Variants in SIPA1L3 observed in about 807,000 individuals in gnomAD.
The protein encoded by SIPA1L3 is signal induced proliferation associated 1 like 3.
SIPA1L3 carries 59 observed loss-of-function variants against 150.1 expected under a neutral mutation model. The ratio of observed to expected loss-of-function variants is 0.39; its 90% CI spans 0.32 to 0.49. SIPA1L3 has a LOEUF of 0.49. Among genes scored for constraint, SIPA1L3 ranks in the 20% least tolerant of loss-of-function variants. The probability of loss-of-function intolerance (pLI) is 0.86; values close to 1 mark genes in which losing one functional copy is unlikely to be tolerated. For synonymous variants in SIPA1L3, 1,070 were observed against 1,077.6 expected, an observed-to-expected ratio of 0.99 and a Z score of 0.14; for missense variants, 2,211 against 2,489.5, an observed-to-expected ratio of 0.89 and a Z score of 2.38.
intron 2 of SIPA1L3, among the ~76,000 whole-genome samples, chr19:38,079,536 T>C (rs1568536842): frequency 6.7e-6 from 1 of 150,370 alleles, no homozygotes; most frequent in Non-Finnish European, 1.5e-5. Flanking sequence ...GGAAGGTTTT[T>C]GTGTTTGTTT....
intron 1 of SIPA1L3, among the ~76,000 whole-genome samples, chr19:38,021,716 A>G (rs975244200): frequency 2.0e-5 from 3 of 151,578 alleles, no homozygotes; most frequent in Non-Finnish European, 2.9e-5. Flanking sequence ...TAATTTTTCT[A>G]TTTTTCTTTA....
At chr19:38,050,242 C>T (rs990022192) in intron 2 of SIPA1L3, among the ~76,000 whole-genome samples, 4 of 151,770 alleles carry the variant, frequency 2.6e-5, no homozygotes, top group Non-Finnish European at 5.9e-5. Context: ...GATCACTTGA[C>T]GTCGTGAGTT....
intron 1 of SIPA1L3, among the ~76,000 whole-genome samples, chr19:37,991,943 C>T (rs1967519206): frequency 6.6e-6 from 1 of 152,210 alleles, no homozygotes; most frequent in Admixed American, 6.5e-5. Flanking sequence ...TCACCTCCTT[C>T]CTCAGGCTCT....
chr19:37,918,224 G>A (rs187310315), intron 1 of SIPA1L3, among the ~76,000 whole-genome samples: 379 of 151,886 alleles, frequency 2.5e-3, no homozygotes, highest in Non-Finnish European at 4.5e-3. Flanking sequence ...AGGTCTTGGC[G>A]TGTTTGAAAG....
At chr19:38,025,210 G>A (rs1968477343) in intron 1 of SIPA1L3, among the ~76,000 whole-genome samples, 2 of 152,220 alleles carry the variant, frequency 1.3e-5, no homozygotes, top group African/African-American at 4.8e-5. Flanking sequence ...GAGACATTCA[G>A]GCCAGGACGC....
At chr19:37,966,357 T>C (rs981798489) in intron 1 of SIPA1L3, among the ~76,000 whole-genome samples, 2 of 152,202 alleles carry the variant, frequency 1.3e-5, no homozygotes, top group Admixed American at 1.3e-4. Flanking sequence ...GACTTGCTCA[T>C]GATGGCAAGG....
chr19:37,931,795 T>G (rs2046556352), intron 1 of SIPA1L3, among the ~76,000 whole-genome samples: 1 of 152,082 alleles, frequency 6.6e-6, no homozygotes. Flanking sequence ...GGGTAAAAAC[T>G]GGAACCTTGG....
intron 6 of SIPA1L3, among the ~76,000 whole-genome samples, chr19:38,102,594 A>G (rs1662868225): frequency 1.6e-5 from 2 of 125,656 alleles, no homozygotes; most frequent in Non-Finnish European, 3.3e-5. Flanking sequence ...CTGTCTCTGA[A>G]AAAAAAAAAA....
At chr19:38,048,767 C>G (rs1347837900) in intron 2 of SIPA1L3, among the ~76,000 whole-genome samples, 1 of 152,178 alleles carries the variant, frequency 6.6e-6, no homozygotes, top group Non-Finnish European at 1.5e-5. Context: ...ATTTCTGCCT[C>G]CTGCATCATC....
intron 1 of SIPA1L3, among the ~76,000 whole-genome samples, chr19:37,975,772 G>A (rs1362583365): frequency 6.6e-6 from 1 of 152,144 alleles, no homozygotes; most frequent in African/African-American, 2.4e-5. Context: ...TGGGAGTCAG[G>A]GGTGCAGCCT....
At chr19:38,114,424 CAAAAAAA>C (rs5828003) in intron 8 of SIPA1L3, among the ~76,000 whole-genome samples, 1 of 100,284 alleles carries the variant, frequency 1.0e-5, no homozygotes, top group Admixed American at 1.0e-4. Flanking sequence ...ACTCTTGTCT[CAAAAAAA>C]AAAAAAAAAA....
chr19:38,155,478 T>C (rs1971924497), intron 13 of SIPA1L3, among the ~76,000 whole-genome samples: 1 of 152,264 alleles, frequency 6.6e-6, no homozygotes, highest in African/African-American at 2.4e-5. Context: ...TTAATCATGT[T>C]GTGAACTACT....
At chr19:38,035,839 G>C (rs1599934640) in intron 2 of SIPA1L3, among the ~76,000 whole-genome samples, 1 of 152,298 alleles carries the variant, frequency 6.6e-6, no homozygotes, top group East Asian at 1.9e-4. Context: ...TGGAGGTTAG[G>C]TGGCTTAGTA....
At chr19:37,975,442 G>A (rs1967051947) in intron 1 of SIPA1L3, among the ~76,000 whole-genome samples, 1 of 152,062 alleles carries the variant, frequency 6.6e-6, no homozygotes, top group Non-Finnish European at 1.5e-5. Flanking sequence ...CTGAGGAGAC[G>A]GCTGCAAGTC....
At chr19:38,159,909 G>T (rs144187071) in intron 13 of SIPA1L3, among the ~76,000 whole-genome samples, 2 of 152,180 alleles carry the variant, frequency 1.3e-5, no homozygotes, top group Non-Finnish European at 2.9e-5. Context: ...TTAAATCACC[G>T]GCGTTCAGCT....
chr19:38,065,647 C>T (rs1969556352), intron 2 of SIPA1L3, among the ~76,000 whole-genome samples: 1 of 151,722 alleles, frequency 6.6e-6, no homozygotes, highest in Admixed American at 6.6e-5. Context: ...GTCTCGAACT[C>T]CCGACCTCAG....
intron 3 of SIPA1L3, among the ~76,000 whole-genome samples, chr19:38,085,479 CAAAAAA>C (rs1169340957): frequency 1.5e-5 from 1 of 66,128 alleles, no homozygotes; most frequent in South Asian, 5.8e-4. Context: ...GACTCCGTCT[CAAAAAA>C]AAAAAAAAAA....
chr19:38,071,391 A>G (rs1969721087), intron 2 of SIPA1L3, among the ~76,000 whole-genome samples: 1 of 152,052 alleles, frequency 6.6e-6, no homozygotes, highest in Non-Finnish European at 1.5e-5. Context: ...GGTTCAAGCA[A>G]TTCTGTTGCC....
chr19:37,972,527 G>A (rs1450391687), intron 1 of SIPA1L3, among the ~76,000 whole-genome samples: 1 of 152,004 alleles, frequency 6.6e-6, no homozygotes, highest in Non-Finnish European at 1.5e-5. Context: ...GCATACTGAA[G>A]CCCCATCTCT....
Sources: gnomAD v4.1 joint callset for allele counts (sites outside exome capture counted in the v4.1 genomes callset) on GRCh38, gnomAD v4.1.1 for gene constraint, MANE v1.5 for transcripts, NCBI Gene and HGNC (gene_info 2026-07-23, HGNC 2026-07-21) for gene names.